The following ZNF804A variants were observed in gnomAD, a reference collection of about 807,000 sequenced individuals.
ZNF804A encodes the protein zinc finger protein 804A.
ZNF804A carries 2 observed loss-of-function variants against 16.5 expected under a neutral mutation model. That is an observed-to-expected ratio of 0.12 (90% CI 0.05 to 0.38). The LOEUF is 0.38. ZNF804A is among the 10% of genes least tolerant of loss of function. ZNF804A has a pLI of 0.99. For missense variants in ZNF804A, 1,473 were observed against 1,390.7 expected (o/e 1.06, Z -0.94); for synonymous variants, 534 against 489.6 (o/e 1.09, Z -1.20).
At chr2:184,668,849 A>G (rs547792212) in intron 1 of ZNF804A, among the ~76,000 whole-genome samples, 1 of 152,110 alleles carries the variant, frequency 6.6e-6, no homozygotes, top group African/African-American at 2.4e-5. Context: ...TAATTCATTA[A>G]TGTTGTAAAT....
chr2:184,830,455 T>C (rs1195268789), intron 1 of ZNF804A, among the ~76,000 whole-genome samples: 2 of 152,150 alleles, frequency 1.3e-5, no homozygotes, highest in Non-Finnish European at 2.9e-5. Context: ...AGTCTGGGGA[T>C]TTTTTGAAAC....
At position 184,842,542 on chromosome 2, in the gene ZNF804A, T is replaced by C. The variant is rs533568722; in HGVS notation, c.112-23827T>C. 3.3e-5 allele frequency among the ~76,000 whole-genome samples: 5 copies of C among 152,208 alleles called. No individual in the cohort carries two copies. The East Asian group carries it at 9.6e-4, about 29-fold the overall frequency. ...TTTTTTTAAAAAAAAAGGAAATTTA[T>C]GATTTTAGGAAATAGTAGAACTAGT... On this transcript the variant is annotated intron_variant, in intron 1 of 3. Transcript: ENST00000302277.
Position 184,712,102 on chromosome 2 carries a change from G to T in ZNF804A, c.111+113032G>T, listed in dbSNP as rs116095598. 6.4e-3 allele frequency among the ~76,000 whole-genome samples: 965 copies of T among 151,732 alleles called. 14 individuals are homozygous for T. Among genetic ancestry groups the T allele is most frequent in the African/African-American group, 0.022 (903 of 41,482 alleles). ...TAAGTCATCCAGTCCACAAACATGGGATGTCTTTTTATTTTTTTGTGATCT... is the reference window on the plus strand; with the variant it reads ...TAAGTCATCCAGTCCACAAACATGGTATGTCTTTTTATTTTTTTGTGATCT... On this transcript the variant is annotated intron_variant, in intron 1 of 3. Coordinates refer to ENST00000302277, the MANE Select transcript of ZNF804A (RefSeq NM_194250.2).
intron 2 of ZNF804A, among the ~76,000 whole-genome samples, chr2:184,873,988 T>C (rs1402313632): frequency 1.3e-5 from 2 of 152,182 alleles, no homozygotes; most frequent in African/African-American, 4.8e-5. Context: ...CAACAATATT[T>C]GTAAATTAAT....
intron 2 of ZNF804A, among the ~76,000 whole-genome samples, chr2:184,889,938 A>AT (rs1380741744): frequency 6.6e-6 from 1 of 152,048 alleles, no homozygotes; most frequent in Non-Finnish European, 1.5e-5. Flanking sequence ...ACCTGCTTAA[A>AT]TTTTTTCTAA....
intron 2 of ZNF804A, among the ~76,000 whole-genome samples, chr2:184,915,871 T>A (rs1685441679): frequency 6.6e-6 from 1 of 152,122 alleles, no homozygotes; most frequent in South Asian, 2.1e-4. Context: ...AAAGGAAATT[T>A]TAAAGAGTCT....
intron 1 of ZNF804A, among the ~76,000 whole-genome samples, chr2:184,759,066 A>G (rs1694001509): frequency 1.3e-5 from 2 of 151,486 alleles, no homozygotes; most frequent in African/African-American, 4.8e-5. Context: ...TATATGTAAT[A>G]TGTAAGCTGT....
chr2:184,827,418 A>G (rs1414531660), intron 1 of ZNF804A, among the ~76,000 whole-genome samples: 3 of 147,250 alleles, frequency 2.0e-5, no homozygotes, highest in African/African-American at 7.4e-5. Flanking sequence ...TGATAACTTT[A>G]TATATATTTA....
Position 184,938,726 on chromosome 2 carries a change from T to TGCAGCTGCAGCTGCAGCCGCA in ZNF804A, c.3333_3353dup (p.Ala1113_Ala1119dup). The TGCAGCTGCAGCTGCAGCCGCA allele has an allele frequency of 1.2e-6, 2 of 1,606,340 alleles. No individual in the cohort carries two copies. Among genetic ancestry groups the TGCAGCTGCAGCTGCAGCCGCA allele is most frequent in the Non-Finnish European group, 8.5e-7 (1 of 1,175,872 alleles). ...TTTTGCAGCAGCACGCTGCAGCTGC[T>TGCAGCTGCAGCTGCAGCCGCA]GCAGCTGCAGCTGCAGCCGCAGCTG... On this transcript the variant is annotated inframe_insertion, in exon 4 of 4. Coordinates refer to ENST00000302277, the MANE Select transcript of ZNF804A (RefSeq NM_194250.2).
At chr2:184,790,630 G>A (rs960738051) in intron 1 of ZNF804A, among the ~76,000 whole-genome samples, 2 of 151,910 alleles carry the variant, frequency 1.3e-5, no homozygotes, top group Non-Finnish European at 2.9e-5. Flanking sequence ...TTGAGATGGA[G>A]TCTTGCTCTG....
intron 1 of ZNF804A, among the ~76,000 whole-genome samples, chr2:184,608,847 A>G (rs909026818): frequency 6.6e-6 from 1 of 152,230 alleles, no homozygotes. Flanking sequence ...CTTGTGCCAC[A>G]TATTACCACA....
intron 2 of ZNF804A, among the ~76,000 whole-genome samples, chr2:184,896,860 G>T (rs1685077505): frequency 7.1e-6 from 1 of 141,690 alleles, no homozygotes; most frequent in Non-Finnish European, 1.6e-5. Context: ...AGGCAAGCGA[G>T]TTATCTTCTA....
At chr2:184,731,293 A>T (rs1227722279) in intron 1 of ZNF804A, among the ~76,000 whole-genome samples, 3 of 150,670 alleles carry the variant, frequency 2.0e-5, no homozygotes, top group Non-Finnish European at 4.4e-5. Flanking sequence ...AAAAAAGAAA[A>T]AAAAGAAACT....
At chr2:184,696,672 A>C (rs1692836200) in intron 1 of ZNF804A, among the ~76,000 whole-genome samples, 1 of 152,176 alleles carries the variant, frequency 6.6e-6, no homozygotes, top group Non-Finnish European at 1.5e-5. Context: ...GTTTTATTAT[A>C]AATTAACATA....
At chr2:184,620,463 A>G (rs1182492766) in intron 1 of ZNF804A, among the ~76,000 whole-genome samples, 2 of 151,814 alleles carry the variant, frequency 1.3e-5, no homozygotes, top group African/African-American at 4.8e-5. Context: ...AAGTGATTTG[A>G]TTTTTATTTT....
intron 1 of ZNF804A, among the ~76,000 whole-genome samples, chr2:184,689,222 C>T (rs186631022): frequency 6.6e-6 from 1 of 152,208 alleles, no homozygotes; most frequent in Non-Finnish European, 1.5e-5. Context: ...AAATATTGAT[C>T]TCACCTAAAA....
chr2:184,651,550 C>T (rs1479838347), intron 1 of ZNF804A, among the ~76,000 whole-genome samples: 1 of 151,812 alleles, frequency 6.6e-6, no homozygotes, highest in Non-Finnish European at 1.5e-5. Context: ...ATCTGACAAA[C>T]ATATCTATAT....
In ZNF804A at chr2:184,786,351, A is replaced by G. The variant is rs181190825; in HGVS notation, c.112-80018A>G. Among the ~76,000 whole-genome samples, 706 of 152,108 alleles carry G rather than the reference A, an allele frequency of 4.6e-3. 4 individuals carry two copies. Among genetic ancestry groups the G allele is most frequent in the Non-Finnish European group, 6.2e-3 (418 of 67,936 alleles). ...AACATTTTGTAAGCAATTCCCTAATAACTTTTTTTATATTTTGTAAGACAA... is the reference window on the plus strand; with the variant it reads ...AACATTTTGTAAGCAATTCCCTAATGACTTTTTTTATATTTTGTAAGACAA... On this transcript the variant is annotated intron_variant, in intron 1 of 3. Transcript: ENST00000302277.
chr2:184,703,709 A>AAAAGAAAG (rs1553529082), intron 1 of ZNF804A, among the ~76,000 whole-genome samples: 14 of 131,368 alleles, frequency 1.1e-4, no homozygotes, highest in Non-Finnish European at 2.0e-4. Flanking sequence ...AAAAAAAAAA[A>AAAAGAAAG]AAAGAAAGAA....
Sources: allele counts gnomAD v4.1 joint callset (sites outside exome capture counted in the v4.1 genomes callset), GRCh38; gene constraint gnomAD v4.1.1; transcripts MANE v1.5; gene names NCBI Gene and HGNC (gene_info 2026-07-23, HGNC 2026-07-21).